SHISAL1: variants seen among roughly 807,000 people sequenced by gnomAD.
SHISAL1 encodes the protein protein shisa-like-1.
Under a neutral mutation model 22.6 loss-of-function variants are expected in SHISAL1, and 9 were observed. That is an observed-to-expected ratio of 0.40 (90% CI 0.24 to 0.70). The LOEUF (loss-of-function observed/expected upper bound fraction) is 0.70, where lower values mean the gene tolerates loss of function less well. Among genes scored for constraint, SHISAL1 ranks in the 30% least tolerant of loss-of-function variants. The probability of loss-of-function intolerance (pLI) is 0.39; values close to 1 mark genes in which losing one functional copy is unlikely to be tolerated. For synonymous variants in SHISAL1, 119 were observed against 115.4 expected (o/e 1.03, Z -0.20); for missense variants, 246 against 270.6 (o/e 0.91, Z 0.64).
At chr22:44,311,662 C>T (rs909312515) in intron 1 of SHISAL1, among the ~76,000 whole-genome samples, 5 of 152,178 alleles carry the variant, frequency 3.3e-5, no homozygotes, top group Non-Finnish European at 5.9e-5. Flanking sequence ...GGGACTTGAG[C>T]GAGAACACAC....
At chr22:44,298,969 A>T (rs890395594) in intron 2 of SHISAL1, among the ~76,000 whole-genome samples, 2 of 152,186 alleles carry the variant, frequency 1.3e-5, no homozygotes, top group South Asian at 4.1e-4. Flanking sequence ...GAGTCCTGGC[A>T]TGAGGCTGCC....
intron 4 of SHISAL1, among the ~76,000 whole-genome samples, chr22:44,270,487 G>C (rs2055198698): frequency 6.6e-6 from 1 of 152,202 alleles, no homozygotes; most frequent in Admixed American, 6.5e-5. Flanking sequence ...ATAGGGACTT[G>C]AGTTTCCACA....
At chr22:44,281,303 C>T (rs1372148009) in intron 4 of SHISAL1, among the ~76,000 whole-genome samples, 2 of 152,148 alleles carry the variant, frequency 1.3e-5, no homozygotes, top group African/African-American at 4.8e-5. Context: ...GGGAGCTGCA[C>T]ACCACTGCAC....
intron 4 of SHISAL1, among the ~76,000 whole-genome samples, chr22:44,268,542 G>A (rs779494335): frequency 6.6e-6 from 1 of 152,196 alleles, no homozygotes; most frequent in East Asian, 1.9e-4. Context: ...GGAGTGGAAC[G>A]AGGTGCCGGG....
intron 4 of SHISAL1, among the ~76,000 whole-genome samples, chr22:44,268,233 G>A (rs2055178458): frequency 1.3e-5 from 2 of 152,200 alleles, no homozygotes; most frequent in African/African-American, 4.8e-5. Flanking sequence ...ATGCCACAAA[G>A]TGCTCTGAGA....
chr22:44,268,850 C>A (rs1057467308), intron 4 of SHISAL1, among the ~76,000 whole-genome samples: 1 of 152,108 alleles, frequency 6.6e-6, no homozygotes, highest in Non-Finnish European at 1.5e-5. Flanking sequence ...TGGGGCCCAG[C>A]CTTGGCCCAT....
intron 4 of SHISAL1, among the ~76,000 whole-genome samples, chr22:44,281,941 C>A (rs779067162): frequency 6.6e-6 from 1 of 152,230 alleles, no homozygotes; most frequent in Admixed American, 6.5e-5. Flanking sequence ...TGCCTGGCCA[C>A]GCGATTCGGC....
Position 44,244,728 on chromosome 22 carries a change from G to A in SHISAL1, c.*4957C>T, listed in dbSNP as rs737263. ...GCTATAGCAGGAATGGCTCCCAGAT[G>A]GGCCCTGGGTACAGGGCCAGGCAAG... is the stretch of plus-strand genomic sequence containing the variant. On this transcript the variant is annotated 3_prime_UTR_variant, in exon 5 of 5. Coordinates refer to ENST00000381176, the MANE Select transcript of SHISAL1 (RefSeq NM_001099294.2). 0.31 allele frequency: 47,218 copies of A among 151,990 alleles called. 7,901 individuals carry two copies. Among genetic ancestry groups the A allele is most frequent in the Admixed American group, 0.37 (5,620 of 15,278 alleles). 9.4% of individuals were successfully genotyped at this position (151,990 alleles called of 1,614,324 possible).
chr22:44,327,238 G>GCACA, the SHISAL1 span, among the ~76,000 whole-genome samples: 3 of 101,160 alleles, frequency 3.0e-5, no homozygotes, highest in East Asian at 3.1e-4. Flanking sequence ...AGTGGGGGGC[G>GCACA]CGCACACACA....
At chr22:44,308,464 C>G (rs1473550537) in intron 1 of SHISAL1, among the ~76,000 whole-genome samples, 1 of 152,242 alleles carries the variant, frequency 6.6e-6, no homozygotes, top group Non-Finnish European at 1.5e-5. Context: ...GCCTCTGGGC[C>G]TTTACTCATG....
intron 4 of SHISAL1, among the ~76,000 whole-genome samples, chr22:44,261,098 T>TATATATATATATATATATAC (rs1459696750): frequency 7.7e-6 from 1 of 130,280 alleles, no homozygotes; most frequent in African/African-American, 3.5e-5. Flanking sequence ...TATATATATA[T>TATATATATATATATATATAC]ACACTATATG....
intron 4 of SHISAL1, among the ~76,000 whole-genome samples, chr22:44,253,593 CTAA>C (rs1406939904): frequency 7.2e-6 from 1 of 139,070 alleles, no homozygotes; most frequent in Non-Finnish European, 1.5e-5. Context: ...CCATGTCTGG[CTAA>C]TTTTTTTTTT....
chr22:44,301,449 G>C (rs1366452634), intron 1 of SHISAL1, among the ~76,000 whole-genome samples: 2 of 152,206 alleles, frequency 1.3e-5, no homozygotes, highest in African/African-American at 4.8e-5. Context: ...GCACACAGCA[G>C]TGCATGAAAT....
chr22:44,260,496 CA>C (rs1440376980), intron 4 of SHISAL1, among the ~76,000 whole-genome samples: 2 of 152,172 alleles, frequency 1.3e-5, no homozygotes, highest in African/African-American at 4.8e-5. Context: ...AGAGGGAGCC[CA>C]GGGGCTGAGG....
chr22:44,308,015 C>G (rs776771101), intron 1 of SHISAL1, among the ~76,000 whole-genome samples: 2 of 152,168 alleles, frequency 1.3e-5, no homozygotes, highest in African/African-American at 2.4e-5. Context: ...CGACCAAGCG[C>G]GACACCTCCA....
intron 3 of SHISAL1, among the ~76,000 whole-genome samples, chr22:44,289,048 T>A (rs1466883626): frequency 1.3e-5 from 2 of 152,216 alleles, no homozygotes; most frequent in African/African-American, 4.8e-5. Context: ...GCTTTGATAC[T>A]AACTTCCCTG....
intron 4 of SHISAL1, among the ~76,000 whole-genome samples, chr22:44,279,826 G>T (rs2055264089): frequency 6.6e-6 from 1 of 152,216 alleles, no homozygotes; most frequent in Non-Finnish European, 1.5e-5. Flanking sequence ...TGCCCCACAG[G>T]CAGCATCAGC....
chr22:44,309,696 A>G (rs1311205800), intron 1 of SHISAL1, among the ~76,000 whole-genome samples: 1 of 152,212 alleles, frequency 6.6e-6, no homozygotes, highest in Non-Finnish European at 1.5e-5. Flanking sequence ...ACACACATGT[A>G]CACACGTGTG....
intron 3 of SHISAL1, among the ~76,000 whole-genome samples, chr22:44,286,317 G>T (rs1353082828): frequency 6.6e-6 from 1 of 152,188 alleles, no homozygotes; most frequent in African/African-American, 2.4e-5. Flanking sequence ...CGACCAGGCT[G>T]TGCATGGCTG....
Sources: allele counts gnomAD v4.1 joint callset (sites outside exome capture counted in the v4.1 genomes callset), GRCh38; gene constraint gnomAD v4.1.1; transcripts MANE v1.5; gene names NCBI Gene and HGNC (gene_info 2026-07-23, HGNC 2026-07-21).